CHLSN: variants seen among roughly 807,000 people sequenced by gnomAD.
CHLSN encodes cholesin, also known as protein cholesin.
the CHLSN span, among the ~76,000 whole-genome samples, chr7:1,077,053 T>C: frequency 6.6e-6 from 1 of 152,274 alleles, no homozygotes; most frequent in East Asian, 1.9e-4. Context: ...TGCTGGCTCT[T>C]AGCTCGAGAC....
chr7:978,395 G>A, the CHLSN span, among the ~76,000 whole-genome samples: 2 of 152,152 alleles, frequency 1.3e-5, no homozygotes, highest in Non-Finnish European at 2.9e-5. Flanking sequence ...GCGCACACCT[G>A]TGGTCCCAGC....
chr7:1,060,024 A>AGGCGGGTCTT, the CHLSN span, among the ~76,000 whole-genome samples: 1 of 37,922 alleles, frequency 2.6e-5, no homozygotes, highest in Non-Finnish European at 5.0e-5. Context: ...GTCCGTAGTG[A>AGGCGGGTCTT]AGCGGGTCCG....
At chr7:1,015,646 G>A in the CHLSN span, among the ~76,000 whole-genome samples, 1 of 152,230 alleles carries the variant, frequency 6.6e-6, no homozygotes, top group African/African-American at 2.4e-5. Flanking sequence ...AGAGCAGGGA[G>A]GACCCAGGAC....
the CHLSN span, among the ~76,000 whole-genome samples, chr7:1,134,466 C>T: frequency 0.073 from 10,806 of 148,330 alleles, 771 homozygotes; most frequent in African/African-American, 0.19. Flanking sequence ...CCCAGCTACT[C>T]GGGAGGCTGA....
At chr7:1,020,484 C>T in the CHLSN span, among the ~76,000 whole-genome samples, 1 of 152,220 alleles carries the variant, frequency 6.6e-6, no homozygotes, top group Non-Finnish European at 1.5e-5. Context: ...TCGGCGCCCC[C>T]ACCTGGAGCC....
At chr7:1,031,799 G>C in the CHLSN span, among the ~76,000 whole-genome samples, 1 of 95,298 alleles carries the variant, frequency 1.0e-5, no homozygotes, top group Non-Finnish European at 2.1e-5. Flanking sequence ...AGAGTGGTCC[G>C]GGGCGGCAGA....
the CHLSN span, among the ~76,000 whole-genome samples, chr7:1,100,958 G>C: frequency 5.3e-5 from 8 of 152,168 alleles, no homozygotes; most frequent in Non-Finnish European, 1.2e-4. Flanking sequence ...TCCTGGCCTA[G>C]GCGGGGTCTG....
At chr7:1,013,711 C>T in the CHLSN span, among the ~76,000 whole-genome samples, 3 of 152,264 alleles carry the variant, frequency 2.0e-5, no homozygotes, top group East Asian at 3.9e-4. Context: ...CTGTCACAGA[C>T]GTGTGATGTC....
chr7:1,091,685 T>G, the CHLSN span: 2 of 1,376,098 alleles, frequency 1.5e-6, no homozygotes, highest in Non-Finnish European at 2.0e-6. Flanking sequence ...AACAGAGCTC[T>G]GGGAGCCTTT....
chr7:986,836 G>A, the CHLSN span: 2 of 1,475,760 alleles, frequency 1.4e-6, no homozygotes, highest in Non-Finnish European at 1.8e-6. Context: ...GGCCTGTAGG[G>A]GTCCTGAGGG....
the CHLSN span, among the ~76,000 whole-genome samples, chr7:1,083,919 G>A: frequency 4.6e-5 from 7 of 152,242 alleles, no homozygotes; most frequent in Admixed American, 3.3e-4. Flanking sequence ...AACCTGGCGC[G>A]GAGCCACGGC....
chr7:1,000,386 C>CAA, the CHLSN span: 87 of 1,225,642 alleles, frequency 7.1e-5, no homozygotes, highest in Non-Finnish European at 9.1e-5. Context: ...CGTGCACACA[C>CAA]CTCAGCCCCC....
At chr7:1,048,126 C>G in the CHLSN span, among the ~76,000 whole-genome samples, 1 of 152,086 alleles carries the variant, frequency 6.6e-6, no homozygotes, top group Non-Finnish European at 1.5e-5. Context: ...CAAGGACGAG[C>G]CAGTGTTTGC....
the CHLSN span, chr7:1,087,321 C>T: frequency 6.6e-6 from 1 of 152,228 alleles, no homozygotes; most frequent in Admixed American, 6.5e-5. Flanking sequence ...AAACTACCGG[C>T]TGAGGGTCCC....
the CHLSN span, among the ~76,000 whole-genome samples, chr7:1,104,004 G>A: frequency 6.6e-6 from 1 of 152,222 alleles, no homozygotes; most frequent in East Asian, 1.9e-4. Context: ...CTGTGCTTTG[G>A]GATCTCGGTG....
At chr7:1,080,048 C>T in the CHLSN span, among the ~76,000 whole-genome samples, 77 of 152,350 alleles carry the variant, frequency 5.1e-4, no homozygotes, top group African/African-American at 1.6e-3. Flanking sequence ...GGGCCAACCC[C>T]TCCTCCCAGG....
chr7:1,047,448 G>A, the CHLSN span, among the ~76,000 whole-genome samples: 1 of 152,360 alleles, frequency 6.6e-6, no homozygotes, highest in South Asian at 2.1e-4. Flanking sequence ...GCCCAGGAAG[G>A]CACAGATAGG....
At chr7:987,515 G>A in the CHLSN span, 10 of 1,529,504 alleles carry the variant, frequency 6.5e-6, no homozygotes, top group East Asian at 2.0e-4. Context: ...CAGCTGGGCG[G>A]CTTCCTGCTC....
chr7:1,080,453 G>T, the CHLSN span, among the ~76,000 whole-genome samples: 1 of 152,176 alleles, frequency 6.6e-6, no homozygotes, highest in South Asian at 2.1e-4. Context: ...ACACGCACAG[G>T]TGCCACCCGC....
Sources: gnomAD v4.1 joint callset for allele counts (sites outside exome capture counted in the v4.1 genomes callset) on GRCh38, gnomAD v4.1.1 for gene constraint, MANE v1.5 for transcripts, NCBI Gene and HGNC (gene_info 2026-07-23, HGNC 2026-07-21) for gene names.